MGAT5B: variants seen among roughly 807,000 people sequenced by gnomAD.
MGAT5B encodes the protein alpha-1,6-mannosylglycoprotein 6-beta-N-acetylglucosaminyltransferase B.
A neutral mutation model predicts 95.1 loss-of-function variants in MGAT5B; 54 were observed. The observed-to-expected ratio is 0.57, with a 90% CI of 0.46 to 0.71. MGAT5B has a LOEUF of 0.71. Among genes scored for constraint, MGAT5B ranks in the 30% least tolerant of loss-of-function variants. The pLI is 0.00. For missense variants in MGAT5B, 935 were observed against 1,088.6 expected (o/e 0.86, Z 1.99); for synonymous variants, 464 against 451.0 (o/e 1.03, Z -0.36).
At chr17:76,901,345 C>T (rs1195865254) in intron 3 of MGAT5B, among the ~76,000 whole-genome samples, 3 of 151,276 alleles carry the variant, frequency 2.0e-5, no homozygotes, top group Admixed American at 6.6e-5. Context: ...GGAGCTTAAA[C>T]TGGGCCTGCA....
Position 76,889,585 on chromosome 17 carries a change from G to T in MGAT5B, c.329+7287G>T, listed in dbSNP as rs1027700613. Among the ~76,000 whole-genome samples, 3 of 152,218 alleles carry T rather than the reference G, an allele frequency of 2.0e-5. No individual in the cohort carries two copies. The highest frequency in any genetic ancestry group is 4.4e-5 in the Non-Finnish European group (3 of 68,042). Reference sequence around the variant, plus strand: ...GGCAGCCGTCGGCCCCCAGGGGCATGTTCTGGATTCCAACAGACTTTGCTG... The same window carrying T: ...GGCAGCCGTCGGCCCCCAGGGGCATTTTCTGGATTCCAACAGACTTTGCTG... On this transcript the variant is annotated intron_variant, in intron 3 of 17. Coordinates refer to ENST00000569840, the MANE Select transcript of MGAT5B (RefSeq NM_001199172.2). The surrounding 1 kb of genome is among the most constrained non-coding windows in gnomAD (Gnocchi z 4.4).
chr17:76,871,457 G>C (rs561654107), intron 1 of MGAT5B, among the ~76,000 whole-genome samples: 1 of 152,172 alleles, frequency 6.6e-6, no homozygotes, highest in Non-Finnish European at 1.5e-5. Context: ...GCCCCTCTCT[G>C]CTTTGGGGTT....
In MGAT5B at chr17:76,904,435, G is replaced by T. The variant is rs1968442289; in HGVS notation, c.690+13G>T. The T allele has an allele frequency of 1.9e-6, 3 of 1,551,002 alleles. No homozygotes were observed. The highest frequency in any genetic ancestry group is 1.7e-6 in the Non-Finnish European group (2 of 1,148,384). ...CCCCAAAGTCCAGGTGGGCCTGGGA[G>T]GTGGGTGGGCCGGTGAGGGGCTGGT... On this transcript the variant is annotated intron_variant, in intron 6 of 17. Transcript: ENST00000569840.
At chr17:76,926,796 G>A (rs1969328391) in intron 10 of MGAT5B, 66 bp downstream of exon 10, 2 of 1,573,030 alleles carry the variant, frequency 1.3e-6, no homozygotes, top group Non-Finnish European at 8.7e-7. Context: ...GGTGACACGA[G>A]AGGCGGCCAG....
At chr17:76,925,135 T>C (rs1355784229) in intron 9 of MGAT5B, 38 bp downstream of exon 9, 39 of 1,608,420 alleles carry the variant, frequency 2.4e-5, no homozygotes, top group Non-Finnish European at 2.9e-5. Flanking sequence ...GTGGCCCACA[T>C]GCCAGGGGAG....
rs1599018226 is a variant in MGAT5B at position 76,949,074 on chromosome 17, G to A, written c.*236G>A. On this transcript the variant is annotated 3_prime_UTR_variant, in exon 18 of 18. Coordinates refer to ENST00000569840, the MANE Select transcript of MGAT5B (RefSeq NM_001199172.2). ...TCCGGTTCTCTCCTGGGGACTCACAGAAGCATCGTGGCCAAGCAGGTGTCG... is the reference window on the plus strand; with the variant it reads ...TCCGGTTCTCTCCTGGGGACTCACAAAAGCATCGTGGCCAAGCAGGTGTCG... 29 of 587,104 alleles carry A rather than the reference G, an allele frequency of 4.9e-5. No individual in the cohort carries two copies. The East Asian group carries it at 8.2e-4, about 17-fold the overall frequency. The allele number at this position is 587,104 out of a possible 1,614,324, so 36.4% of individuals were successfully genotyped here.
rs61607627 is a variant in MGAT5B at position 76,900,897 on chromosome 17, GCA to G, written c.330-1657_330-1656del. On this transcript the variant is annotated intron_variant, in intron 3 of 17. Coordinates refer to ENST00000569840, the MANE Select transcript of MGAT5B (RefSeq NM_001199172.2). ...TGTGTGCGTGTGTGTGCATGTGTGT[GCA>G]TGTGTGTGTGTGCGTGTGTACATGT... is the stretch of plus-strand genomic sequence containing the variant. 8.2e-5 allele frequency among the ~76,000 whole-genome samples: 12 copies of G among 146,828 alleles called. No homozygotes were observed. The East Asian group carries it at 2.4e-3, about 29-fold the overall frequency.
At position 76,918,225 on chromosome 17, in the gene MGAT5B, G is replaced by A. The variant is rs1300858972; in HGVS notation, c.1026-6741G>A. The stretch of plus-strand genomic sequence containing the variant: ...CGCCTTGTACCGCACCCCCACCCCC[G>A]CACCCATGCTTTGTGGTAGCTTCGG... On this transcript the variant is annotated intron_variant, in intron 8 of 17. Transcript: ENST00000569840. The surrounding 1 kb of genome is among the most constrained non-coding windows in gnomAD (Gnocchi z 5.1). Among the ~76,000 whole-genome samples the A allele has an allele frequency of 6.6e-6, 1 of 151,466 alleles. No individual in the cohort carries two copies. Among genetic ancestry groups the A allele is most frequent in the Non-Finnish European group, 1.5e-5 (1 of 67,852 alleles).
rs1363238873 is a variant in MGAT5B at position 76,938,006 on chromosome 17, G to A, written c.1447G>A (p.Gly483Ser). 6.2e-7 allele frequency: 1 copy of A among 1,613,886 alleles called. No individual in the cohort carries two copies. Among genetic ancestry groups the A allele is most frequent in the Admixed American group, 1.7e-5 (1 of 60,016 alleles). The change falls in exon 13 of 18, where the codon GGC (glycine) becomes AGC (serine). Residue 483 changes from glycine (G) to serine (S), a missense_variant. This residue lies in a region of MGAT5B where 440 missense variants were observed against 523.6 expected (regional missense o/e 0.84). Transcript: ENST00000569840. The surrounding 1 kb of genome is among the most constrained non-coding windows in gnomAD (Gnocchi z 4.3). Reference sequence around the variant, plus strand: ...TTTCCAGGGGAAGGAGAAGTTCCTGGGCATCCTGAACAAATACATGGAGAT... The same window carrying A: ...TTTCCAGGGGAAGGAGAAGTTCCTGAGCATCCTGAACAAATACATGGAGAT... ...WKLQGKEKFL[G>S]ILNKYMEIHG...
At chr17:76,931,495 CTG>C (rs908934846) in intron 10 of MGAT5B, among the ~76,000 whole-genome samples, 3 of 152,172 alleles carry the variant, frequency 2.0e-5, no homozygotes, top group African/African-American at 7.2e-5. Flanking sequence ...CAATGAGTGA[CTG>C]GGGTCAGGAG....
chr17:76,896,437 C>G (rs1021589782), intron 3 of MGAT5B, among the ~76,000 whole-genome samples: 1 of 152,182 alleles, frequency 6.6e-6, no homozygotes, highest in Non-Finnish European at 1.5e-5. Context: ...GCTGAATCCC[C>G]CAAAAAGTAA....
At position 76,948,091 on chromosome 17, in the gene MGAT5B, G is replaced by A; in HGVS notation, c.2180+5G>A. 1 of 1,583,920 alleles carries A rather than the reference G, an allele frequency of 6.3e-7. No homozygotes were observed. The highest frequency in any genetic ancestry group is 8.6e-7 in the Non-Finnish European group (1 of 1,163,446). On this transcript the variant is annotated splice_donor_5th_base_variant and intron_variant, in intron 17 of 17. Coordinates refer to ENST00000569840, the MANE Select transcript of MGAT5B (RefSeq NM_001199172.2). ...CAGCCAGGACGCCTTCCTCAAGTGA[G>A]TGTTCCCCCACCCTCCCCACCCAGC...
At chr17:76,943,235 A>G (rs1223336788) in intron 15 of MGAT5B, among the ~76,000 whole-genome samples, 2 of 152,032 alleles carry the variant, frequency 1.3e-5, no homozygotes, top group East Asian at 3.9e-4. Context: ...TAATTTTGTT[A>G]ATTAGTTAAT....
chr17:76,931,696 C>G (rs34060291), intron 10 of MGAT5B, among the ~76,000 whole-genome samples: 54,178 of 151,998 alleles, frequency 0.36, 9,974 homozygotes, highest in Admixed American at 0.41. Context: ...AGATTCAAAA[C>G]TGTCATTTCA....
Position 76,882,150 on chromosome 17 carries a change from G to T in MGAT5B, c.182-1G>T. On this transcript the variant is annotated splice_acceptor_variant, in intron 2 of 17. Coordinates refer to ENST00000569840, the MANE Select transcript of MGAT5B (RefSeq NM_001199172.2). LOFTEE classifies it high-confidence loss of function. ...TAACCATACCCACACTCTGCCCACAGTGATGGGGGGCCCCGAGTCCCGCGG... is the reference window on the plus strand; with the variant it reads ...TAACCATACCCACACTCTGCCCACATTGATGGGGGGCCCCGAGTCCCGCGG... 1 of 1,608,794 alleles carries T rather than the reference G, an allele frequency of 6.2e-7. No homozygotes were observed. Among genetic ancestry groups the T allele is most frequent in the Non-Finnish European group, 8.5e-7 (1 of 1,176,962 alleles).
At chr17:76,924,825 C>T in intron 8 of MGAT5B, 141 bp from the exon 9 acceptor site, 1 of 1,074,076 alleles carries the variant, frequency 9.3e-7, no homozygotes, top group Non-Finnish European at 1.4e-6. Context: ...CCGTACAGGG[C>T]CATCCTGCTC....
rs1188379329 is a variant in MGAT5B at position 76,870,854 on chromosome 17, A to G, written c.68+1757A>G. Among the ~76,000 whole-genome samples, 1 of 151,994 alleles carries G rather than the reference A, an allele frequency of 6.6e-6. No homozygotes were observed. The highest frequency in any genetic ancestry group is 1.9e-4 in the East Asian group (1 of 5,176). On this transcript the variant is annotated intron_variant, in intron 1 of 17. Coordinates refer to ENST00000569840, the MANE Select transcript of MGAT5B (RefSeq NM_001199172.2). This position sits in a 1 kb window ranked among gnomAD's most constrained non-coding sequence, Gnocchi z 5.0. The stretch of plus-strand genomic sequence containing the variant: ...GGGCTGCTGGCAGGGTCTTTATTCC[A>G]TAGGTGCCCCTGGAATGTTGCTTGA...
Position 76,895,908 on chromosome 17 carries a change from G to A in MGAT5B, c.330-6647G>A, listed in dbSNP as rs145375273. Among the ~76,000 whole-genome samples the A allele has an allele frequency of 3.9e-3, 595 of 152,170 alleles. 5 individuals are homozygous for A. Among genetic ancestry groups the A allele is most frequent in the African/African-American group, 0.013 (555 of 41,540 alleles). On this transcript the variant is annotated intron_variant, in intron 3 of 17. Coordinates refer to ENST00000569840, the MANE Select transcript of MGAT5B (RefSeq NM_001199172.2). ...TCTACAAGGGGTTTTTTTGTCCCCCGATTTTTAAAGAAATTCAAACATTTT... is the reference window on the plus strand; with the variant it reads ...TCTACAAGGGGTTTTTTTGTCCCCCAATTTTTAAAGAAATTCAAACATTTT...
Position 76,940,340 on chromosome 17 carries a change from T to A in MGAT5B, c.1585-62T>A. 6.7e-7 allele frequency: 1 copy of A among 1,499,430 alleles called. No homozygotes were observed. The highest frequency in any genetic ancestry group is 8.9e-7 in the Non-Finnish European group (1 of 1,123,940). The allele number at this position is 1,499,430 out of a possible 1,614,324, so 92.9% of individuals were successfully genotyped here. On this transcript the variant is annotated intron_variant, in intron 13 of 17. Coordinates refer to ENST00000569840, the MANE Select transcript of MGAT5B (RefSeq NM_001199172.2). The surrounding 1 kb of genome is among the most constrained non-coding windows in gnomAD (Gnocchi z 4.3). Reference sequence around the variant, plus strand: ...AAGCCTCACCTTGTCCCCGGCATCCTGGTGCTTACTGGGCTGTGGCGGCCC... The same window carrying A: ...AAGCCTCACCTTGTCCCCGGCATCCAGGTGCTTACTGGGCTGTGGCGGCCC...
Sources: allele counts gnomAD v4.1 joint callset (sites outside exome capture counted in the v4.1 genomes callset), GRCh38; gene constraint gnomAD v4.1.1; regional missense constraint gnomAD v4.1.1; non-coding constraint Gnocchi (gnomAD v3.1); transcripts MANE v1.5; gene names NCBI Gene and HGNC (gene_info 2026-07-23, HGNC 2026-07-21).